KAT6B: variants seen among roughly 807,000 people sequenced by gnomAD.
KAT6B encodes the protein histone acetyltransferase KAT6B.
KAT6B carries 10 observed loss-of-function variants against 187.5 expected under a neutral mutation model. The ratio of observed to expected loss-of-function variants is 0.05; its 90% CI spans 0.03 to 0.09. The LOEUF (loss-of-function observed/expected upper bound fraction) is 0.09, where lower values mean the gene tolerates loss of function less well. Ranked by LOEUF, KAT6B falls within the 10% of genes least tolerant of loss-of-function variation. KAT6B has a pLI of 1.00. For synonymous variants in KAT6B, 861 were observed against 926.8 expected, an observed-to-expected ratio of 0.93 and a Z score of 1.29; for missense variants, 1,952 against 2,558.9, an observed-to-expected ratio of 0.76 and a Z score of 5.12.
At chr10:74,884,947 G>A (rs1845127672) in intron 3 of KAT6B, among the ~76,000 whole-genome samples, 1 of 151,970 alleles carries the variant, frequency 6.6e-6, no homozygotes, top group African/African-American at 2.4e-5. Context: ...TTCTCTATCT[G>A]CACCATCCAA....
At chr10:74,894,520 GT>G (rs1275106618) in intron 3 of KAT6B, among the ~76,000 whole-genome samples, 1 of 152,140 alleles carries the variant, frequency 6.6e-6, no homozygotes, top group African/African-American at 2.4e-5. Context: ...GATCTTTAGA[GT>G]TTTTTTATCT....
rs1373298204 is a variant in KAT6B, at chr10:74,882,749, A to G, written c.621+39271A>G. Among the ~76,000 whole-genome samples, 5 of 152,358 alleles carry G rather than the reference A, an allele frequency of 3.3e-5. No individual in the cohort carries two copies. The South Asian group carries it at 1.0e-3, about 32-fold the overall frequency. On this transcript the variant is annotated intron_variant, in intron 3 of 17. Transcript: ENST00000287239. ...AAGTTAATTTCTTCCCTAATGTGTCAGTAAGGAAATTCTATAGTATTTAAG... is the reference window on the plus strand; with the variant it reads ...AAGTTAATTTCTTCCCTAATGTGTCGGTAAGGAAATTCTATAGTATTTAAG...
chr10:74,892,381 G>A (rs775843754), intron 3 of KAT6B, among the ~76,000 whole-genome samples: 9 of 152,122 alleles, frequency 5.9e-5, no homozygotes, highest in African/African-American at 9.7e-5. Flanking sequence ...TAAAGGCAGC[G>A]ACAGTTAGTA....
At chr10:74,914,977 G>A (rs145752362) in intron 3 of KAT6B, among the ~76,000 whole-genome samples, 146 of 152,186 alleles carry the variant, frequency 9.6e-4, no homozygotes, top group African/African-American at 3.3e-3. Flanking sequence ...GCCCACACTT[G>A]TAGTCCCAGC....
At chr10:75,018,248 C>G (rs1287430145) in intron 13 of KAT6B, among the ~76,000 whole-genome samples, 1 of 152,198 alleles carries the variant, frequency 6.6e-6, no homozygotes, top group East Asian at 1.9e-4. Flanking sequence ...TGAAAAAGAC[C>G]ACTGGGCTTT....
intron 3 of KAT6B, among the ~76,000 whole-genome samples, chr10:74,873,063 T>C (rs1242310974): frequency 1.3e-5 from 2 of 152,184 alleles, no homozygotes; most frequent in Non-Finnish European, 2.9e-5. Flanking sequence ...TCTCAAATGA[T>C]TCACAAAAGA....
chr10:74,909,093 G>A (rs1847005743), intron 3 of KAT6B, among the ~76,000 whole-genome samples: 2 of 152,220 alleles, frequency 1.3e-5, no homozygotes, highest in African/African-American at 4.8e-5. Context: ...TGTAAGTAAG[G>A]CCGTGTATGG....
chr10:74,885,512 C>A (rs1252091225), intron 3 of KAT6B, among the ~76,000 whole-genome samples: 2 of 152,030 alleles, frequency 1.3e-5, no homozygotes, highest in Non-Finnish European at 2.9e-5. Flanking sequence ...AATAAAGATG[C>A]AAGTTTATCA....
chr10:74,843,740 G>A (rs1244437031), intron 3 of KAT6B, among the ~76,000 whole-genome samples: 1 of 152,164 alleles, frequency 6.6e-6, no homozygotes, highest in Non-Finnish European at 1.5e-5. Flanking sequence ...GGTGTCTGAA[G>A]GGACCAGGAA....
chr10:74,992,421 G>A (rs1299573875), intron 13 of KAT6B, among the ~76,000 whole-genome samples: 1 of 152,198 alleles, frequency 6.6e-6, no homozygotes, highest in East Asian at 1.9e-4. Context: ...AGCTTAGCCT[G>A]GACTTTAAAT....
intron 17 of KAT6B, chr10:75,026,044 C>T (rs1013756126): frequency 6.6e-6 from 1 of 151,016 alleles, no homozygotes; most frequent in African/African-American, 2.4e-5. Flanking sequence ...CCTATAGTCC[C>T]AGCTACTTGG....
At chr10:75,021,060 C>T (rs1845369793) in intron 14 of KAT6B, 66 bp from the exon 15 acceptor site, 6 of 1,464,440 alleles carry the variant, frequency 4.1e-6, no homozygotes, top group East Asian at 2.3e-5. Flanking sequence ...AGCATATGTC[C>T]GTATGTGAAG....
At chr10:74,879,914 G>A (rs1176348504) in intron 3 of KAT6B, among the ~76,000 whole-genome samples, 1 of 152,088 alleles carries the variant, frequency 6.6e-6, no homozygotes, top group Non-Finnish European at 1.5e-5. Flanking sequence ...GGCCAACACG[G>A]TGAAACCCCG....
At chr10:74,886,342 A>G (rs1331949900) in intron 3 of KAT6B, among the ~76,000 whole-genome samples, 1 of 152,170 alleles carries the variant, frequency 6.6e-6, no homozygotes, top group Non-Finnish European at 1.5e-5. Flanking sequence ...GACTTTCCAA[A>G]GATTGGGAAG....
upstream of KAT6B, among the ~76,000 whole-genome samples, chr10:74,826,426 A>G (rs2131871340): frequency 6.6e-6 from 1 of 152,136 alleles, no homozygotes; most frequent in East Asian, 1.9e-4. Flanking sequence ...TTTATGTGGA[A>G]GCGAGATGAC....
intron 4 of KAT6B, among the ~76,000 whole-genome samples, chr10:74,962,056 G>A (rs1038936233): frequency 2.6e-5 from 4 of 152,170 alleles, no homozygotes; most frequent in African/African-American, 9.7e-5. Context: ...TCTGGACTCT[G>A]CGATGGGATC....
chr10:74,985,169 C>T lies in KAT6B; in HGVS notation c.2463C>T (p.Val821=), dbSNP rs1470032014. ...FLDHKTLYYD[V]EPFLFYVLTK... ...ACCACAAAACGTTGTATTATGATGTCGAGCCATTCCTTTTTTATGTCCTTA... is the reference window on the plus strand; with the variant it reads ...ACCACAAAACGTTGTATTATGATGTTGAGCCATTCCTTTTTTATGTCCTTA... The change falls in exon 12 of 18, where the codon GTC becomes GTT. Residue 821 remains valine, a synonymous_variant. Transcript: ENST00000287239. 38 of 1,613,844 alleles carry T rather than the reference C, an allele frequency of 2.4e-5. No individual in the cohort carries two copies. The highest frequency in any genetic ancestry group is 3.1e-5 in the Non-Finnish European group (37 of 1,179,948).
intron 13 of KAT6B, among the ~76,000 whole-genome samples, chr10:75,007,525 A>T (rs1382618344): frequency 6.6e-6 from 1 of 152,190 alleles, no homozygotes; most frequent in Non-Finnish European, 1.5e-5. Context: ...GTATAAAAAA[A>T]TGCAAGAGAT....
intron 3 of KAT6B, among the ~76,000 whole-genome samples, chr10:74,953,373 T>C (rs998114701): frequency 5.9e-5 from 9 of 152,204 alleles, no homozygotes; most frequent in African/African-American, 2.2e-4. Flanking sequence ...ATAATAATAT[T>C]TGAGTAGAAC....
Sources: gnomAD v4.1 joint callset for allele counts (sites outside exome capture counted in the v4.1 genomes callset) on GRCh38, gnomAD v4.1.1 for gene constraint, MANE v1.5 for transcripts, NCBI Gene and HGNC (gene_info 2026-07-23, HGNC 2026-07-21) for gene names.